Variants in TGFBRAP1 observed in about 807,000 individuals in gnomAD.
TGFBRAP1 encodes the protein transforming growth factor beta receptor associated protein 1.
A neutral mutation model predicts 83.2 loss-of-function variants in TGFBRAP1; 20 were observed. The ratio of observed to expected loss-of-function variants is 0.24; its 90% CI spans 0.17 to 0.35. The LOEUF is 0.35. Ranked by LOEUF, TGFBRAP1 falls within the 10% of genes least tolerant of loss-of-function variation. The pLI, the probability that TGFBRAP1 is intolerant of heterozygous loss-of-function variation, is 1.00. For synonymous variants in TGFBRAP1, 415 were observed against 459.8 expected, an observed-to-expected ratio of 0.90 and a Z score of 1.25; for missense variants, 950 against 1,099.4, an observed-to-expected ratio of 0.86 and a Z score of 1.92.
chr2:105,286,946 T>C lies in TGFBRAP1; in HGVS notation c.1039-2548A>G, dbSNP rs368653253. Among the ~76,000 whole-genome samples the C allele has an allele frequency of 2.2e-4, 33 of 152,310 alleles. 1 individual carries two copies. The East Asian group carries it at 3.3e-3, about 15-fold the overall frequency. ...TAAGCACTTAATTCAAAGGGCAGCTTCTCTCATGGCTCTTTACTATGCACT... is the reference window on the plus strand; with the variant it reads ...TAAGCACTTAATTCAAAGGGCAGCTCCTCTCATGGCTCTTTACTATGCACT... On this transcript the variant is annotated intron_variant, in intron 4 of 11. Transcript: ENST00000393359.
the TGFBRAP1 span, among the ~76,000 whole-genome samples, chr2:105,253,033 C>T: frequency 1.3e-5 from 2 of 152,080 alleles, no homozygotes; most frequent in Non-Finnish European, 2.9e-5. Context: ...GGATTACAGG[C>T]GTGAGCCACC....
At chr2:105,298,830 A>G (rs1323358464) in intron 2 of TGFBRAP1, 125 bp from the exon 3 acceptor site, 5 of 848,478 alleles carry the variant, frequency 5.9e-6, no homozygotes, top group Non-Finnish European at 8.5e-6. Flanking sequence ...CTTATATTTC[A>G]AGGAAGGAAA....
downstream of TGFBRAP1, among the ~76,000 whole-genome samples, chr2:105,263,871 A>G (rs1040598330): frequency 1.2e-4 from 19 of 152,186 alleles, no homozygotes; most frequent in African/African-American, 4.1e-4. Context: ...AGGCAACAAG[A>G]GCGAAATTCC....
At position 105,284,221 on chromosome 2, in the gene TGFBRAP1, G is replaced by A. The variant is rs1573176612; in HGVS notation, c.1121+95C>T. On this transcript the variant is annotated intron_variant, in intron 5 of 11. Coordinates refer to ENST00000393359, the MANE Select transcript of TGFBRAP1 (RefSeq NM_004257.6). ...TCCACCTGAAGCACAATCTAACCATGCAACACATCCCACCGCGACGTCACA... is the reference window on the plus strand; with the variant it reads ...TCCACCTGAAGCACAATCTAACCATACAACACATCCCACCGCGACGTCACA... The A allele has an allele frequency of 2.6e-6, 3 of 1,171,172 alleles. No individual in the cohort carries two copies. In the South Asian group the frequency reaches 3.8e-5, roughly 15 times the overall value. 72.5% of individuals were successfully genotyped at this position (1,171,172 alleles called of 1,614,324 possible).
chr2:105,317,813 G>C (rs1678931706), intron 1 of TGFBRAP1, among the ~76,000 whole-genome samples: 1 of 152,178 alleles, frequency 6.6e-6, no homozygotes, highest in South Asian at 2.1e-4. Context: ...CTAACAGAAG[G>C]ATGGGCGAAA....
intron 1 of TGFBRAP1, among the ~76,000 whole-genome samples, chr2:105,317,742 A>G (rs1678929415): frequency 6.6e-6 from 1 of 152,304 alleles, no homozygotes; most frequent in Middle Eastern, 3.4e-3. Context: ...CACTGACATC[A>G]TGTATCTGAC....
At chr2:105,274,154 T>C (rs1298473176) in intron 8 of TGFBRAP1, among the ~76,000 whole-genome samples, 1 of 152,184 alleles carries the variant, frequency 6.6e-6, no homozygotes, top group Non-Finnish European at 1.5e-5. Flanking sequence ...ACATGGATTA[T>C]CTACTCTGGG....
At position 105,273,611 on chromosome 2, in the gene TGFBRAP1, C is replaced by A. The variant is rs1677234238; in HGVS notation, c.1745G>T (p.Cys582Phe). The A allele has an allele frequency of 8.7e-6, 14 of 1,614,152 alleles. No individual in the cohort carries two copies. Among genetic ancestry groups the A allele is most frequent in the Non-Finnish European group, 1.1e-5 (13 of 1,180,038 alleles). Residue 582 changes from cysteine to phenylalanine, a missense_variant, in exon 9 of 12, where the codon TGC becomes TTC. Physicochemically the swap from Cys to Phe is radical, Grantham distance 205. Transcript: ENST00000393359. ...AAGGGCTTTAGGGTATTTTTTAAGGCAATTGATAATGTCGTCTGGATTAAA... is the reference window on the plus strand; with the variant it reads ...AAGGGCTTTAGGGTATTTTTTAAGGAAATTGATAATGTCGTCTGGATTAAA... The part of the protein sequence containing the change: ...NSFNPDDIIN[C>F]LKKYPKALVK...
chr2:105,306,053 T>C (rs965513634), intron 2 of TGFBRAP1, among the ~76,000 whole-genome samples: 1 of 132,934 alleles, frequency 7.5e-6, no homozygotes, highest in Non-Finnish European at 1.7e-5. Flanking sequence ...TCTGGTTTTT[T>C]GTTTTTTGTT....
At chr2:105,255,161 G>A in the TGFBRAP1 span, among the ~76,000 whole-genome samples, 1 of 140,134 alleles carries the variant, frequency 7.1e-6, no homozygotes, top group African/African-American at 2.4e-5. Flanking sequence ...CTGTCCCAGT[G>A]GCCTAATCAA....
intron 1 of TGFBRAP1, among the ~76,000 whole-genome samples, chr2:105,323,769 C>T (rs1357390038): frequency 1.3e-5 from 2 of 152,186 alleles, no homozygotes; most frequent in African/African-American, 4.8e-5. Context: ...TTGATAGGCT[C>T]TCTGACAATC....
chr2:105,302,686 C>T (rs115845484), intron 2 of TGFBRAP1, among the ~76,000 whole-genome samples: 584 of 152,286 alleles, frequency 3.8e-3, no homozygotes, highest in Non-Finnish European at 6.3e-3. Context: ...TGGTAAAAAG[C>T]TAGCTGTGAG....
Position 105,266,239 on chromosome 2 carries a change from C to T in TGFBRAP1, c.*1144G>A, listed in dbSNP as rs1366213248. The T allele has an allele frequency of 1.3e-5, 2 of 152,210 alleles. No individual in the cohort carries two copies. The highest frequency in any genetic ancestry group is 6.5e-5 in the Admixed American group (1 of 15,288). 9.4% of individuals were successfully genotyped at this position (152,210 alleles called of 1,614,324 possible). On this transcript the variant is annotated 3_prime_UTR_variant, in exon 12 of 12. Transcript: ENST00000393359. The stretch of plus-strand genomic sequence containing the variant: ...AGGGTGACACAGCCTGTCTGGATGT[C>T]CTCGGGAGGGTGTGCCATCCAGGAG...
At chr2:105,303,092 G>A (rs887862777) in intron 2 of TGFBRAP1, among the ~76,000 whole-genome samples, 1 of 152,188 alleles carries the variant, frequency 6.6e-6, no homozygotes, top group Non-Finnish European at 1.5e-5. Context: ...TACAATGATG[G>A]ATTGGTTCTA....
At chr2:105,285,840 C>T (rs538156297) in intron 4 of TGFBRAP1, among the ~76,000 whole-genome samples, 4 of 152,300 alleles carry the variant, frequency 2.6e-5, no homozygotes, top group African/African-American at 9.6e-5. Context: ...CTTTAATTTT[C>T]TTCACTGAAA....
At chr2:105,271,738 G>T (rs1171858081) in intron 10 of TGFBRAP1, among the ~76,000 whole-genome samples, 3 of 152,164 alleles carry the variant, frequency 2.0e-5, no homozygotes, top group Admixed American at 6.5e-5. Flanking sequence ...CTCATTATTT[G>T]TGGATTCTGT....
chr2:105,270,128 C>A (rs996162982), intron 10 of TGFBRAP1, among the ~76,000 whole-genome samples: 3 of 152,180 alleles, frequency 2.0e-5, no homozygotes, highest in Admixed American at 6.5e-5. Context: ...TCCTAACAAA[C>A]ACTACTTCCC....
chr2:105,317,306 G>A (rs565235529), intron 1 of TGFBRAP1, among the ~76,000 whole-genome samples: 7 of 152,058 alleles, frequency 4.6e-5, no homozygotes, highest in South Asian at 4.1e-4. Context: ...GCATGGTGGC[G>A]GATGCCTGTA....
intron 3 of TGFBRAP1, among the ~76,000 whole-genome samples, chr2:105,297,452 G>A (rs1213905936): frequency 1.3e-5 from 2 of 152,190 alleles, no homozygotes; most frequent in African/African-American, 4.8e-5. Context: ...TGTGACCCCA[G>A]CGCATGCGCC....
Sources: allele counts gnomAD v4.1 joint callset (sites outside exome capture counted in the v4.1 genomes callset), GRCh38; gene constraint gnomAD v4.1.1; transcripts MANE v1.5; gene names NCBI Gene and HGNC (gene_info 2026-07-23, HGNC 2026-07-21).